The following CACNA2D3 variants were observed in gnomAD, a reference collection of about 807,000 sequenced individuals.
The protein encoded by CACNA2D3 is voltage-dependent calcium channel subunit alpha-2/delta-3.
In CACNA2D3, 60 loss-of-function variants were observed where a neutral mutation model predicts 160.6. The ratio of observed to expected loss-of-function variants is 0.37; its 90% CI spans 0.30 to 0.46. The LOEUF (loss-of-function observed/expected upper bound fraction) is 0.46. Among genes scored for constraint, CACNA2D3 ranks in the 20% least tolerant of loss-of-function variants. CACNA2D3 has a pLI of 1.00. For synonymous variants in CACNA2D3, 558 were observed against 492.9 expected, an observed-to-expected ratio of 1.13 and a Z score of -1.75; for missense variants, 1,205 against 1,365.0, an observed-to-expected ratio of 0.88 and a Z score of 1.85.
intron 2 of CACNA2D3, among the ~76,000 whole-genome samples, chr3:54,255,775 T>C (rs1702280910): frequency 6.6e-6 from 1 of 152,218 alleles, no homozygotes; most frequent in Non-Finnish European, 1.5e-5. Context: ...TAAGAGCCTC[T>C]TCTTTACCTC....
At chr3:54,893,283 CTCTT>C (rs1700111043) in intron 25 of CACNA2D3, among the ~76,000 whole-genome samples, 1 of 148,352 alleles carries the variant, frequency 6.7e-6, no homozygotes, top group East Asian at 2.0e-4. Context: ...CTCAAAAAAA[CTCTT>C]TTTTTTTTTA....
intron 5 of CACNA2D3, among the ~76,000 whole-genome samples, chr3:54,541,951 T>C (rs914407322): frequency 3.4e-4 from 51 of 151,564 alleles, no homozygotes; most frequent in Non-Finnish European, 8.8e-5. Flanking sequence ...TTTTTTTTTT[T>C]CGTACAATTT....
At chr3:54,580,643 C>A (rs953928352) in intron 8 of CACNA2D3, among the ~76,000 whole-genome samples, 3 of 152,204 alleles carry the variant, frequency 2.0e-5, no homozygotes, top group African/African-American at 7.2e-5. Flanking sequence ...GGGTCCAGCC[C>A]TGTGCTTGCT....
chr3:54,640,021 T>C (rs1236822933), intron 10 of CACNA2D3, among the ~76,000 whole-genome samples: 2 of 152,126 alleles, frequency 1.3e-5, no homozygotes, highest in African/African-American at 4.8e-5. Context: ...TTTCACAAGG[T>C]AATGTCATCA....
intron 2 of CACNA2D3, among the ~76,000 whole-genome samples, chr3:54,259,288 T>C (rs1702360925): frequency 1.3e-5 from 2 of 152,228 alleles, no homozygotes; most frequent in Non-Finnish European, 2.9e-5. Context: ...CTAACTGGCT[T>C]CTGGGATGGC....
chr3:54,854,975 T>G (rs770022900), intron 17 of CACNA2D3, among the ~76,000 whole-genome samples: 6 of 152,196 alleles, frequency 3.9e-5, no homozygotes, highest in Non-Finnish European at 8.8e-5. Flanking sequence ...GTGTATTTTC[T>G]TCATAAAATT....
chr3:54,392,571 G>C (rs756148317), intron 4 of CACNA2D3, among the ~76,000 whole-genome samples: 8 of 152,164 alleles, frequency 5.3e-5, no homozygotes, highest in Non-Finnish European at 8.8e-5. Flanking sequence ...GGTATGGAAG[G>C]GAAAGGAGCT....
chr3:54,387,828 G>A (rs60024970), intron 4 of CACNA2D3, among the ~76,000 whole-genome samples: 4,597 of 152,216 alleles, frequency 0.03, 239 homozygotes, highest in African/African-American at 0.11. Context: ...TCTTTTAGTG[G>A]CATGTGGTCA....
intron 3 of CACNA2D3, among the ~76,000 whole-genome samples, chr3:54,341,516 G>T (rs143295086): frequency 9.8e-4 from 149 of 152,318 alleles, no homozygotes; most frequent in Middle Eastern, 3.4e-3. Context: ...GGTCAGGAAG[G>T]TTGGTTCACC....
chr3:54,445,555 T>TACACACACACACACACACAC (rs3028897), intron 4 of CACNA2D3, among the ~76,000 whole-genome samples: 15 of 147,222 alleles, frequency 1.0e-4, no homozygotes, highest in African/African-American at 1.8e-4. Context: ...TTTCTATGTA[T>TACACACACACACACACACAC]ACACACACAC....
intron 2 of CACNA2D3, among the ~76,000 whole-genome samples, chr3:54,305,807 T>G (rs565116034): frequency 6.6e-6 from 1 of 152,336 alleles, no homozygotes; most frequent in East Asian, 1.9e-4. Flanking sequence ...CCAAAACATA[T>G]GACTTTCTTA....
intron 2 of CACNA2D3, among the ~76,000 whole-genome samples, chr3:54,236,932 T>G (rs971019190): frequency 6.6e-6 from 1 of 152,152 alleles, no homozygotes; most frequent in East Asian, 1.9e-4. Flanking sequence ...TGATAATATC[T>G]GTAGCGCACT....
At chr3:54,711,068 A>C (rs1700943793) in intron 11 of CACNA2D3, among the ~76,000 whole-genome samples, 1 of 152,158 alleles carries the variant, frequency 6.6e-6, no homozygotes, top group Non-Finnish European at 1.5e-5. Context: ...TTGATTGGTG[A>C]GCAAAGGCCA....
chr3:54,523,692 G>A (rs750307597), intron 5 of CACNA2D3, among the ~76,000 whole-genome samples: 18 of 152,014 alleles, frequency 1.2e-4, no homozygotes, highest in Middle Eastern at 3.4e-3. Context: ...CCCTTTACTC[G>A]TTGTTTTCAG....
Position 54,881,879 on chromosome 3 carries a change from C to T in CACNA2D3, c.1912+1016C>T, listed in dbSNP as rs576573283. Reference sequence around the variant, plus strand: ...GGGCGTGAGGAAGGAGATGGATGTTCCCTGAGACGCCAAACCCCTAGATAG... The same window carrying T: ...GGGCGTGAGGAAGGAGATGGATGTTTCCTGAGACGCCAAACCCCTAGATAG... On this transcript the variant is annotated intron_variant, in intron 21 of 37. Coordinates refer to ENST00000474759, the MANE Select transcript of CACNA2D3 (RefSeq NM_018398.3). Among the ~76,000 whole-genome samples, 15 of 152,352 alleles carry T rather than the reference C, an allele frequency of 9.8e-5. 1 individual carries two copies. In the East Asian group the frequency reaches 2.9e-3, roughly 29 times the overall value.
rs967445076 is a variant in CACNA2D3 at position 54,933,526 on chromosome 3, C to T, written c.2449+33658C>T. On this transcript the variant is annotated intron_variant, in intron 27 of 37. Coordinates refer to ENST00000474759, the MANE Select transcript of CACNA2D3 (RefSeq NM_018398.3). The stretch of plus-strand genomic sequence containing the variant: ...TAAATCACATGACCATGTCTAACAG[C>T]AAGAGATGCTGGGAAATGTTGTCTA... 2.6e-5 allele frequency among the ~76,000 whole-genome samples: 4 copies of T among 152,276 alleles called. No individual in the cohort carries two copies. The East Asian group carries it at 5.8e-4, about 22-fold the overall frequency.
intron 27 of CACNA2D3, among the ~76,000 whole-genome samples, chr3:54,932,753 C>T (rs926133023): frequency 6.6e-6 from 1 of 152,210 alleles, no homozygotes; most frequent in Non-Finnish European, 1.5e-5. Context: ...TGGCCAAGTG[C>T]TCCTCCATCC....
At chr3:54,203,712 C>T (rs1445115666) in intron 2 of CACNA2D3, among the ~76,000 whole-genome samples, 3 of 152,038 alleles carry the variant, frequency 2.0e-5, no homozygotes, top group Non-Finnish European at 4.4e-5. Flanking sequence ...TGGTCAGTGG[C>T]CTGCCTGTGT....
At chr3:54,844,200 G>A (rs926787154) in intron 16 of CACNA2D3, among the ~76,000 whole-genome samples, 2 of 152,174 alleles carry the variant, frequency 1.3e-5, no homozygotes, top group African/African-American at 4.8e-5. Flanking sequence ...TGGAAACTGA[G>A]GGAATAGTGT....
Sources: allele counts gnomAD v4.1 joint callset (sites outside exome capture counted in the v4.1 genomes callset), GRCh38; gene constraint gnomAD v4.1.1; transcripts MANE v1.5; gene names NCBI Gene and HGNC (gene_info 2026-07-23, HGNC 2026-07-21).